TENT4A: variants seen among roughly 807,000 people sequenced by gnomAD.
TENT4A encodes the protein DNA polymerase kappa.
A neutral mutation model predicts 72.8 loss-of-function variants in TENT4A; 7 were observed. The ratio of observed to expected loss-of-function variants is 0.10; its 90% CI spans 0.05 to 0.18. TENT4A has a LOEUF of 0.18. Ranked by LOEUF, TENT4A falls within the 10% of genes least tolerant of loss-of-function variation. The probability of loss-of-function intolerance (pLI) is 1.00; values close to 1 mark genes in which losing one functional copy is unlikely to be tolerated. For missense variants in TENT4A, 831 were observed against 1,017.7 expected (o/e 0.82, Z 2.50); for synonymous variants, 456 against 434.3 (o/e 1.05, Z -0.62).
chr5:6,745,926 C>A, intron 6 of TENT4A: 2 of 811,160 alleles, frequency 2.5e-6, no homozygotes, highest in Non-Finnish European at 3.4e-6. Context: ...AACTTATTTG[C>A]CCATATTTGG....
intron 6 of TENT4A, among the ~76,000 whole-genome samples, chr5:6,744,386 T>A (rs1229021645): frequency 6.6e-6 from 1 of 152,268 alleles, no homozygotes; most frequent in African/African-American, 2.4e-5. Flanking sequence ...TGATAAACTG[T>A]AATTATACTT....
intron 1 of TENT4A, among the ~76,000 whole-genome samples, chr5:6,722,547 G>GTT (rs55840324): frequency 0.036 from 4,459 of 123,188 alleles, 188 homozygotes; most frequent in African/African-American, 0.087. Context: ...GCATTTGTTA[G>GTT]TTTTTTTTTT....
intron 12 of TENT4A, among the ~76,000 whole-genome samples, chr5:6,753,978 T>C (rs1471544162): frequency 6.6e-6 from 1 of 152,222 alleles, no homozygotes; most frequent in Non-Finnish European, 1.5e-5. Flanking sequence ...AGCCGGCGTG[T>C]GTTCCCTCTC....
chr5:6,751,532 T>G, intron 11 of TENT4A: 1 of 235,874 alleles, frequency 4.2e-6, no homozygotes, highest in African/African-American at 2.2e-5. Context: ...ACGACCCACT[T>G]AGCTGGGCGC....
At chr5:6,742,723 C>A (rs533606200) in intron 5 of TENT4A, 126 bp downstream of exon 5, 8 of 604,888 alleles carry the variant, frequency 1.3e-5, no homozygotes, top group Non-Finnish European at 2.1e-5. Flanking sequence ...ACTACACTTA[C>A]ATTATTTCTC....
At chr5:6,732,500 A>G (rs1330936242) in intron 1 of TENT4A, among the ~76,000 whole-genome samples, 1 of 152,242 alleles carries the variant, frequency 6.6e-6, no homozygotes, top group African/African-American at 2.4e-5. Flanking sequence ...ATACAAAAAC[A>G]TTGCTGATCT....
At chr5:6,729,141 G>A (rs1741081391) in intron 1 of TENT4A, among the ~76,000 whole-genome samples, 1 of 152,230 alleles carries the variant, frequency 6.6e-6, no homozygotes, top group Admixed American at 6.5e-5. Flanking sequence ...TCCTTCCTGA[G>A]TGTGGCTTCC....
At position 6,754,236 on chromosome 5, in the gene TENT4A, T is replaced by G. The variant is rs560123530; in HGVS notation, c.2185-515T>G. On this transcript the variant is annotated intron_variant, in intron 12 of 12. Transcript: ENST00000230859. ...CAGGCTGGAGTGCAGTGGTGTGATC[T>G]CAGCTCACTGCAACCTCCGCCTCCC... 4.6e-5 allele frequency among the ~76,000 whole-genome samples: 7 copies of G among 152,322 alleles called. No individual in the cohort carries two copies. The East Asian group carries it at 1.4e-3, about 29-fold the overall frequency.
chr5:6,739,912 C>T (rs780695978), intron 4 of TENT4A, 60 bp downstream of exon 4: 397 of 1,557,900 alleles, frequency 2.5e-4, no homozygotes, highest in Non-Finnish European at 3.0e-4. Context: ...CCCAGGTGGT[C>T]ACAGGATACG....
intron 11 of TENT4A, among the ~76,000 whole-genome samples, chr5:6,752,571 A>AC (rs1742465586): frequency 6.6e-6 from 1 of 152,336 alleles, no homozygotes; most frequent in South Asian, 2.1e-4. Context: ...GGGGTTCACC[A>AC]CGGGGGTGAC....
At chr5:6,741,043 G>A (rs1054582133) in intron 4 of TENT4A, among the ~76,000 whole-genome samples, 9 of 152,202 alleles carry the variant, frequency 5.9e-5, no homozygotes, top group Non-Finnish European at 1.2e-4. Flanking sequence ...AGGTGGGTGG[G>A]AATCCTGACC....
intron 7 of TENT4A, among the ~76,000 whole-genome samples, chr5:6,746,973 C>T (rs777860864): frequency 1.1e-4 from 16 of 152,174 alleles, no homozygotes; most frequent in Non-Finnish European, 1.8e-4. Context: ...AGAGGTTTCC[C>T]GGTTTTATTC....
At chr5:6,749,377 G>T (rs1362408635) in intron 8 of TENT4A, among the ~76,000 whole-genome samples, 180 bp from the exon 9 acceptor site, 1 of 152,210 alleles carries the variant, frequency 6.6e-6, no homozygotes, top group African/African-American at 2.4e-5. Context: ...CGATCCCAGG[G>T]TATGCTTGAG....
chr5:6,750,654 T>C, intron 10 of TENT4A, 151 bp downstream of exon 10: 1 of 666,678 alleles, frequency 1.5e-6, no homozygotes, highest in Non-Finnish European at 2.4e-6. Flanking sequence ...AGCCCCGTGA[T>C]GTGGGCACCA....
At chr5:6,721,245 G>A (rs7733155) in intron 1 of TENT4A, among the ~76,000 whole-genome samples, 2,988 of 152,328 alleles carry the variant, frequency 0.02, 71 homozygotes, top group African/African-American at 0.058. Context: ...GAGAGCAGGT[G>A]GGGGATGGCA....
chr5:6,714,027 C>T lies in TENT4A; in HGVS notation c.44C>T (p.Pro15Leu). Residue 15 changes from proline (P) to leucine (L), a missense_variant, in exon 1 of 13, where the codon CCG (proline) becomes CTG (leucine). Transcript: ENST00000230859. ...TGGATCCAGCCCGAGCAGAAGGGGC[C>T]GGCCAATGCCCTGTGGATGCAGATC... ...VAWIQPEQKG[P>L]ANALWMQIWE... The T allele has an allele frequency of 1.0e-6, 1 of 986,508 alleles. No homozygotes were observed. Among genetic ancestry groups the T allele is most frequent in the Non-Finnish European group, 1.2e-6 (1 of 831,792 alleles). 61.1% of individuals were successfully genotyped at this position (986,508 alleles called of 1,614,324 possible).
At chr5:6,733,935 GGCGATTT>G (rs1741334447) in intron 1 of TENT4A, among the ~76,000 whole-genome samples, 3 of 152,196 alleles carry the variant, frequency 2.0e-5, no homozygotes, top group African/African-American at 7.2e-5. Context: ...AGGGATAGTT[GGCGATTT>G]AAATGGTTTC....
intron 1 of TENT4A, among the ~76,000 whole-genome samples, chr5:6,735,474 C>T (rs115992505): frequency 0.018 from 2,811 of 152,294 alleles, 35 homozygotes; most frequent in South Asian, 0.04. Flanking sequence ...GCCTGTGGCT[C>T]TTCCCTGGGG....
chr5:6,738,766 G>T, intron 3 of TENT4A, 37 bp downstream of exon 3: 1 of 1,488,162 alleles, frequency 6.7e-7, no homozygotes, highest in Non-Finnish European at 9.4e-7. Flanking sequence ...CTAGTGGGGG[G>T]CTGGGATGGT....
Sources: gnomAD v4.1 joint callset for allele counts (sites outside exome capture counted in the v4.1 genomes callset) on GRCh38, gnomAD v4.1.1 for gene constraint, MANE v1.5 for transcripts, NCBI Gene and HGNC (gene_info 2026-07-23, HGNC 2026-07-21) for gene names.